PPP6R3: variants seen among roughly 807,000 people sequenced by gnomAD.
PPP6R3 encodes the protein serine/threonine-protein phosphatase 6 regulatory subunit 3.
Under a neutral mutation model 110.7 loss-of-function variants are expected in PPP6R3, and 38 were observed. The observed-to-expected ratio is 0.34, with a 90% CI of 0.26 to 0.45. PPP6R3 has a LOEUF of 0.45. Among genes scored for constraint, PPP6R3 ranks in the 20% least tolerant of loss-of-function variants. The pLI is 1.00. For synonymous variants in PPP6R3, 369 were observed against 373.5 expected, an observed-to-expected ratio of 0.99 and a Z score of 0.14; for missense variants, 870 against 1,062.4, an observed-to-expected ratio of 0.82 and a Z score of 2.52.
At chr11:68,462,931 T>C (rs1358318279) in intron 1 of PPP6R3, among the ~76,000 whole-genome samples, 2 of 152,218 alleles carry the variant, frequency 1.3e-5, no homozygotes, top group Non-Finnish European at 2.9e-5. Flanking sequence ...TTTAGAACTC[T>C]AGCCTTTGTG....
At chr11:68,527,636 T>A (rs1415353170) in intron 2 of PPP6R3, among the ~76,000 whole-genome samples, 1 of 152,256 alleles carries the variant, frequency 6.6e-6, no homozygotes, top group Non-Finnish European at 1.5e-5. Flanking sequence ...TTCTATGTTA[T>A]TAAAATACTT....
chr11:68,496,325 C>G (rs1403512342), intron 1 of PPP6R3, among the ~76,000 whole-genome samples: 2 of 152,032 alleles, frequency 1.3e-5, no homozygotes, highest in Non-Finnish European at 2.9e-5. Flanking sequence ...CCATGCCCAG[C>G]CTTTCCCATC....
At chr11:68,505,761 C>CT in intron 1 of PPP6R3, among the ~76,000 whole-genome samples, 1 of 152,300 alleles carries the variant, frequency 6.6e-6, no homozygotes, top group East Asian at 1.9e-4. Context: ...TGCTCAGTAA[C>CT]TGTGTGTGGC....
intron 1 of PPP6R3, among the ~76,000 whole-genome samples, chr11:68,465,910 C>A (rs1316161274): frequency 6.6e-6 from 1 of 152,200 alleles, no homozygotes; most frequent in African/African-American, 2.4e-5. Context: ...ATTACTTCGA[C>A]TTGCCTCCTT....
At position 68,528,642 on chromosome 11, in the gene PPP6R3, G is replaced by GTT. The variant is rs1188964009; in HGVS notation, c.-7+8991_-7+8992insTT. Among the ~76,000 whole-genome samples, 22 of 152,294 alleles carry GTT rather than the reference G, an allele frequency of 1.4e-4. 1 individual carries two copies. Among genetic ancestry groups the GTT allele is most frequent in the Admixed American group, 1.4e-3 (21 of 15,304 alleles). ...GGGCATTGAGCTTTGCTGTCAGGGG[G>GTT]AAGAGTTTCTCATTAACTTACAACA... On this transcript the variant is annotated intron_variant, in intron 2 of 23. Transcript: ENST00000393800.
intron 1 of PPP6R3, among the ~76,000 whole-genome samples, chr11:68,480,461 A>T (rs1053551331): frequency 1.3e-5 from 2 of 152,254 alleles, no homozygotes; most frequent in Admixed American, 1.3e-4. Context: ...ACCTTGGCGG[A>T]ACTTAGCATC....
chr11:68,558,101 T>G (rs1212702144), intron 7 of PPP6R3: 1 of 152,298 alleles, frequency 6.6e-6, no homozygotes, highest in East Asian at 1.9e-4. Context: ...AGATCTTTGC[T>G]AATTACACAT....
chr11:68,590,654 T>G lies in PPP6R3; in HGVS notation c.1731-6T>G, dbSNP rs1394034100. On this transcript the variant is annotated splice_region_variant and splice_polypyrimidine_tract_variant and intron_variant, in intron 16 of 23. Transcript: ENST00000393800. ...CTTCCTACACTTTTATTTTGTTTTT[T>G]TACAGTGTTTCTTTTGATCGAGTAT... is the stretch of plus-strand genomic sequence containing the variant. 2 of 1,580,322 alleles carry G rather than the reference T, an allele frequency of 1.3e-6. No homozygotes were observed. The highest frequency in any genetic ancestry group is 1.7e-5 in the Admixed American group (1 of 59,168).
chr11:68,564,260 G>T (rs755162720), intron 8 of PPP6R3, 43 bp from the exon 9 acceptor site: 8 of 1,549,440 alleles, frequency 5.2e-6, no homozygotes, highest in Non-Finnish European at 7.1e-6. Context: ...TGAATGATTT[G>T]TTCTGAAATT....
chr11:68,528,184 T>C (rs1461804532), intron 2 of PPP6R3, among the ~76,000 whole-genome samples: 1 of 152,206 alleles, frequency 6.6e-6, no homozygotes, highest in African/African-American at 2.4e-5. Flanking sequence ...TTGATTAATA[T>C]AGCATATTAA....
chr11:68,486,376 C>T (rs570596095), intron 1 of PPP6R3, among the ~76,000 whole-genome samples: 22 of 152,030 alleles, frequency 1.4e-4, no homozygotes, highest in African/African-American at 1.9e-4. Flanking sequence ...GAGGCCGAGG[C>T]GGGTGGATCA....
chr11:68,595,199 AATTTTTTTTTTTT>A, intron 18 of PPP6R3, among the ~76,000 whole-genome samples: 1 of 116,144 alleles, frequency 8.6e-6, no homozygotes, highest in African/African-American at 3.5e-5. Context: ...ACATAAAAAT[AATTTTTTTTTTTT>A]TTTTTTTTTT....
chr11:68,568,630 T>C (rs1019204404), intron 10 of PPP6R3, among the ~76,000 whole-genome samples: 5 of 152,210 alleles, frequency 3.3e-5, no homozygotes, highest in Admixed American at 6.5e-5. Context: ...CTCTAGTTTT[T>C]GTATGCTGGA....
chr11:68,585,765 T>TA (rs2099576352), intron 15 of PPP6R3, among the ~76,000 whole-genome samples: 1 of 152,228 alleles, frequency 6.6e-6, no homozygotes, highest in Non-Finnish European at 1.5e-5. Context: ...CTAGTGTCTG[T>TA]GTCAGTTGCT....
chr11:68,574,252 A>G, intron 13 of PPP6R3, 28 bp downstream of exon 13: 2 of 1,579,218 alleles, frequency 1.3e-6, no homozygotes, highest in South Asian at 1.1e-5. Context: ...TTTGAATTAC[A>G]TTTTTGTTGG....
At chr11:68,606,049 A>C (rs550448822) in intron 22 of PPP6R3, among the ~76,000 whole-genome samples, 1 of 152,336 alleles carries the variant, frequency 6.6e-6, no homozygotes, top group African/African-American at 2.4e-5. Flanking sequence ...ATCCTGTGTA[A>C]GGTATTTGCT....
intron 13 of PPP6R3, 81 bp downstream of exon 13, chr11:68,574,305 AT>A: frequency 1.9e-6 from 2 of 1,066,874 alleles, no homozygotes; most frequent in Non-Finnish European, 2.8e-6. Context: ...TGCATGTAGC[AT>A]TTTTAATAGT....
Position 68,613,554 on chromosome 11 carries a change from GA to G in PPP6R3, c.*439del. On this transcript the variant is annotated 3_prime_UTR_variant, in exon 24 of 24. Coordinates refer to ENST00000393800, the MANE Select transcript of PPP6R3 (RefSeq NM_001164161.2). ...CATTTTTCACCTTGTACAAAATTAT[GA>G]ATTCATTTTTCCTCCAGGCCGACAA... 1.0e-6 allele frequency: 1 copy of G among 986,322 alleles called. No homozygotes were observed. The highest frequency in any genetic ancestry group is 1.2e-6 in the Non-Finnish European group (1 of 830,338). The allele number at this position is 986,322 out of a possible 1,614,324, so 61.1% of individuals were successfully genotyped here.
chr11:68,567,559 A>G (rs1565896344), intron 10 of PPP6R3, among the ~76,000 whole-genome samples: 1 of 152,082 alleles, frequency 6.6e-6, no homozygotes, highest in Non-Finnish European at 1.5e-5. Context: ...ATATGGTCTT[A>G]ATTGATTTGA....
Sources: allele counts gnomAD v4.1 joint callset (sites outside exome capture counted in the v4.1 genomes callset), GRCh38; gene constraint gnomAD v4.1.1; transcripts MANE v1.5; gene names NCBI Gene and HGNC (gene_info 2026-07-23, HGNC 2026-07-21).